NFIX: variants seen among roughly 807,000 people sequenced by gnomAD.
NFIX encodes the protein nuclear factor 1 X-type.
NFIX carries 2 observed loss-of-function variants against 53.3 expected under a neutral mutation model. The observed-to-expected ratio is 0.04, with a 90% CI of 0.02 to 0.12. The LOEUF (loss-of-function observed/expected upper bound fraction) is 0.12, where lower values mean the gene tolerates loss of function less well. Among genes scored for constraint, NFIX ranks in the 10% least tolerant of loss-of-function variants. The pLI, the probability that NFIX is intolerant of heterozygous loss-of-function variation, is 1.00. For missense variants in NFIX, 310 were observed against 674.5 expected, an observed-to-expected ratio of 0.46 and a Z score of 5.99; for synonymous variants, 244 against 289.0, an observed-to-expected ratio of 0.84 and a Z score of 1.58.
In NFIX at chr19:13,081,827, C is replaced by T. The variant is rs1384877802; in HGVS notation, c.1226C>T (p.Ser409Leu). 7 of 1,613,820 alleles carry T rather than the reference C, an allele frequency of 4.3e-6. No homozygotes were observed. The highest frequency in any genetic ancestry group is 1.6e-4 in the Middle Eastern group (1 of 6,084). Residue 409 changes from serine (S) to leucine (L), a missense_variant, in exon 8 of 11, where the codon TCG (serine) becomes TTG (leucine). Physicochemically the swap from Ser to Leu is moderately radical, Grantham distance 145. This residue lies in a region of NFIX where 35 missense variants were observed against 114.8 expected (regional missense o/e 0.30). Transcript: ENST00000592199. This position sits in a 1 kb window ranked among gnomAD's most constrained non-coding sequence, Gnocchi z 4.7. The stretch of plus-strand genomic sequence containing the variant: ...AAGGAGTTTGTGCAGTTTGTGTGCT[C>T]GGATGGCTCGGGCCAGGCCACCGGA... Reference protein sequence around the residue: ...SLKEFVQFVCSDGSGQATGQP... With the variant: ...SLKEFVQFVCLDGSGQATGQP...
rs1047221925 is a variant in NFIX at position 13,095,287 on chromosome 19, C to T, written c.*638C>T. On this transcript the variant is annotated 3_prime_UTR_variant, in exon 11 of 11. Coordinates refer to ENST00000592199, the MANE Select transcript of NFIX (RefSeq NM_001365902.3). ...CAGCCTCCACTTACCCCACCCCACC[C>T]TTGGGCTAAAAGCCCCCAGGCGGGC... The T allele has an allele frequency of 6.6e-6, 1 of 152,302 alleles. No homozygotes were observed. The highest frequency in any genetic ancestry group is 1.5e-5 in the Non-Finnish European group (1 of 68,170). The allele number at this position is 152,302 out of a possible 1,614,324, so 9.4% of individuals were successfully genotyped here.
chr19:13,056,074 G>A (rs2015668498), intron 2 of NFIX, among the ~76,000 whole-genome samples: 1 of 152,192 alleles, frequency 6.6e-6, no homozygotes, highest in Non-Finnish European at 1.5e-5. Flanking sequence ...GGGTCCTAAT[G>A]AGAAAATTGC....
At position 13,006,658 on chromosome 19, in the gene NFIX, C is replaced by T. The variant is rs1019093806; in HGVS notation, c.27+10794C>T. Among the ~76,000 whole-genome samples, 23 of 152,300 alleles carry T rather than the reference C, an allele frequency of 1.5e-4. No individual in the cohort carries two copies. Among genetic ancestry groups the T allele is most frequent in the Admixed American group, 4.6e-4 (7 of 15,308 alleles). ...CTGTCACCCTGGCAGTACCAGGCTGCGCCATCTTTGCAGGGTCTTGGGGAT... is the reference window on the plus strand; with the variant it reads ...CTGTCACCCTGGCAGTACCAGGCTGTGCCATCTTTGCAGGGTCTTGGGGAT... On this transcript the variant is annotated intron_variant, in intron 1 of 10. Coordinates refer to ENST00000592199, the MANE Select transcript of NFIX (RefSeq NM_001365902.3). The surrounding 1 kb of genome is among the most constrained non-coding windows in gnomAD (Gnocchi z 5.6).
Position 13,001,941 on chromosome 19 carries a change from C to T in NFIX, c.27+6077C>T, listed in dbSNP as rs540241897. 4.6e-5 allele frequency among the ~76,000 whole-genome samples: 7 copies of T among 152,316 alleles called. No individual in the cohort carries two copies. The highest frequency in any genetic ancestry group is 7.2e-5 in the African/African-American group (3 of 41,566). ...TGGACAGAAGCCCGTTGTGCGGCAGCGAGGTGCGGGCGTGTGTTCGGGCCG... is the reference window on the plus strand; with the variant it reads ...TGGACAGAAGCCCGTTGTGCGGCAGTGAGGTGCGGGCGTGTGTTCGGGCCG... On this transcript the variant is annotated intron_variant, in intron 1 of 10. Coordinates refer to ENST00000592199, the MANE Select transcript of NFIX (RefSeq NM_001365902.3). This position sits in a 1 kb window ranked among gnomAD's most constrained non-coding sequence, Gnocchi z 6.5.
rs1328514519 is a variant in NFIX at position 12,998,569 on chromosome 19, GGA to G, written c.27+2711_27+2712del. Among the ~76,000 whole-genome samples the G allele has an allele frequency of 6.6e-6, 1 of 152,006 alleles. No homozygotes were observed. Among genetic ancestry groups the G allele is most frequent in the Non-Finnish European group, 1.5e-5 (1 of 67,992 alleles). On this transcript the variant is annotated intron_variant, in intron 1 of 10. Transcript: ENST00000592199. The surrounding 1 kb of genome is among the most constrained non-coding windows in gnomAD (Gnocchi z 4.4). ...GTAGCCACAGTCCTGAGTCTCAGGC[GGA>G]GAGAGGGGTGGGGGGTGGATGGATG... is the stretch of plus-strand genomic sequence containing the variant.
At chr19:12,997,342 G>A (rs958532330) in intron 1 of NFIX, among the ~76,000 whole-genome samples, 21 of 152,240 alleles carry the variant, frequency 1.4e-4, no homozygotes, top group African/African-American at 4.3e-4. Context: ...GCAGGCCTGC[G>A]TGGCATGGCC....
rs1341748097 is a variant in NFIX at position 13,049,888 on chromosome 19, G to A, written c.560-23159G>A. Among the ~76,000 whole-genome samples the A allele has an allele frequency of 1.3e-5, 2 of 152,162 alleles. No individual in the cohort carries two copies. The highest frequency in any genetic ancestry group is 1.3e-4 in the Admixed American group (2 of 15,284). The stretch of plus-strand genomic sequence containing the variant: ...ATTACAGGCGAGAGCCACTGCACCC[G>A]GCCAGTTCCTTTTTAAGGCCAAATA... On this transcript the variant is annotated intron_variant, in intron 2 of 10. Coordinates refer to ENST00000592199, the MANE Select transcript of NFIX (RefSeq NM_001365902.3). The surrounding 1 kb of genome is among the most constrained non-coding windows in gnomAD (Gnocchi z 4.5).
intron 10 of NFIX, among the ~76,000 whole-genome samples, chr19:13,091,330 A>G (rs975128911): frequency 6.7e-6 from 1 of 150,164 alleles, no homozygotes; most frequent in African/African-American, 2.5e-5. Flanking sequence ...AGTCCAGAGA[A>G]AGTTGGTGGA....
intron 8 of NFIX, chr19:13,082,267 T>G (rs981580761): frequency 1.6e-5 from 3 of 188,500 alleles, no homozygotes; most frequent in Non-Finnish European, 3.3e-5. Context: ...CTGTTGACAT[T>G]TGGGGCTGTT....
Position 13,073,859 on chromosome 19 carries a change from A to C in NFIX, c.698-47A>C. ...TCATGACAAAGAAACAGACCCCATC[A>C]GGCCTCCCCCCACCTCCAAACCTCA... is the stretch of plus-strand genomic sequence containing the variant. On this transcript the variant is annotated intron_variant, in intron 4 of 10. Transcript: ENST00000592199. The surrounding 1 kb of genome is among the most constrained non-coding windows in gnomAD (Gnocchi z 4.5). 1 of 1,613,038 alleles carries C rather than the reference A, an allele frequency of 6.2e-7. No individual in the cohort carries two copies. Among genetic ancestry groups the C allele is most frequent in the Non-Finnish European group, 8.5e-7 (1 of 1,179,386 alleles).
At position 13,027,692 on chromosome 19, in the gene NFIX, T is replaced by C. The variant is rs948845901; in HGVS notation, c.559+2140T>C. 1.3e-5 allele frequency among the ~76,000 whole-genome samples: 2 copies of C among 152,068 alleles called. No individual in the cohort carries two copies. The highest frequency in any genetic ancestry group is 1.3e-4 in the Admixed American group (2 of 15,270). On this transcript the variant is annotated intron_variant, in intron 2 of 10. Coordinates refer to ENST00000592199, the MANE Select transcript of NFIX (RefSeq NM_001365902.3). This position sits in a 1 kb window ranked among gnomAD's most constrained non-coding sequence, Gnocchi z 4.3. ...TGTGGGGCTAAGGTAGGATGAAAAG[T>C]ATGTGAGGAAGCAGACCGTTTCCTG...
intron 2 of NFIX, among the ~76,000 whole-genome samples, chr19:13,029,981 C>A (rs1209231379): frequency 6.6e-6 from 1 of 152,144 alleles, no homozygotes; most frequent in African/African-American, 2.4e-5. Flanking sequence ...ATGCCCAACC[C>A]GACTGTTGGC....
In NFIX at chr19:13,081,642, G is replaced by T; in HGVS notation, c.1079-38G>T. On this transcript the variant is annotated intron_variant, in intron 7 of 10. Coordinates refer to ENST00000592199, the MANE Select transcript of NFIX (RefSeq NM_001365902.3). This position sits in a 1 kb window ranked among gnomAD's most constrained non-coding sequence, Gnocchi z 4.7. Reference sequence around the variant, plus strand: ...GTCCCTCCCACTGGCTGCCTCCTTGGCCCTGACGCCCTTTTTTCCCTGCCC... The same window carrying T: ...GTCCCTCCCACTGGCTGCCTCCTTGTCCCTGACGCCCTTTTTTCCCTGCCC... The T allele has an allele frequency of 3.1e-6, 5 of 1,600,518 alleles. No homozygotes were observed. Among genetic ancestry groups the T allele is most frequent in the Non-Finnish European group, 4.3e-6 (5 of 1,172,162 alleles).
At chr19:13,057,551 C>A (rs2015791212) in intron 2 of NFIX, among the ~76,000 whole-genome samples, 1 of 152,106 alleles carries the variant, frequency 6.6e-6, no homozygotes, top group African/African-American at 2.4e-5. Flanking sequence ...CCGGGCCCTC[C>A]CCTGCTCATG....
In NFIX at chr19:13,081,640, T is replaced by C. The variant is rs2017472245; in HGVS notation, c.1079-40T>C. On this transcript the variant is annotated intron_variant, in intron 7 of 10. Coordinates refer to ENST00000592199, the MANE Select transcript of NFIX (RefSeq NM_001365902.3). The surrounding 1 kb of genome is among the most constrained non-coding windows in gnomAD (Gnocchi z 4.7). Reference sequence around the variant, plus strand: ...CTGTCCCTCCCACTGGCTGCCTCCTTGGCCCTGACGCCCTTTTTTCCCTGC... The same window carrying C: ...CTGTCCCTCCCACTGGCTGCCTCCTCGGCCCTGACGCCCTTTTTTCCCTGC... 1 of 1,599,282 alleles carries C rather than the reference T, an allele frequency of 6.3e-7. No homozygotes were observed. The highest frequency in any genetic ancestry group is 8.5e-7 in the Non-Finnish European group (1 of 1,171,338).
chr19:13,039,686 G>C (rs1213989111), intron 2 of NFIX, among the ~76,000 whole-genome samples: 2 of 152,224 alleles, frequency 1.3e-5, no homozygotes, highest in Non-Finnish European at 2.9e-5. Flanking sequence ...CCTGGGCTCA[G>C]CTGGGGGCCA....
rs1297098216 is a variant in NFIX, at chr19:13,067,496, G to A, written c.560-5551G>A. Reference sequence around the variant, plus strand: ...TGTGTGTGTGTGCGTGTGTGTGTGTGTGTGTGTGTATGTGTGTGTCTGAGT... The same window carrying A: ...TGTGTGTGTGTGCGTGTGTGTGTGTATGTGTGTGTATGTGTGTGTCTGAGT... On this transcript the variant is annotated intron_variant, in intron 2 of 10. Coordinates refer to ENST00000592199, the MANE Select transcript of NFIX (RefSeq NM_001365902.3). The surrounding 1 kb of genome is among the most constrained non-coding windows in gnomAD (Gnocchi z 4.2). Among the ~76,000 whole-genome samples, 1 of 151,740 alleles carries A rather than the reference G, an allele frequency of 6.6e-6. No homozygotes were observed. The highest frequency in any genetic ancestry group is 1.5e-5 in the Non-Finnish European group (1 of 67,896).
At chr19:13,042,311 G>GTGTAATAGGTGC (rs999879107) in intron 2 of NFIX, among the ~76,000 whole-genome samples, 4 of 148,424 alleles carry the variant, frequency 2.7e-5, no homozygotes, top group African/African-American at 1.0e-4. Flanking sequence ...CTTATTATAA[G>GTGTAATAGGTGC]TGTAATAGGT....
intron 2 of NFIX, among the ~76,000 whole-genome samples, chr19:13,035,767 T>C (rs1294431867): frequency 1.3e-5 from 2 of 152,178 alleles, no homozygotes; most frequent in African/African-American, 4.8e-5. Context: ...ATATATCAAG[T>C]AACTTTTAAA....
Sources: gnomAD v4.1 joint callset for allele counts (sites outside exome capture counted in the v4.1 genomes callset) on GRCh38, gnomAD v4.1.1 for gene constraint, gnomAD v4.1.1 regional missense constraint, Gnocchi (gnomAD v3.1) non-coding constraint, MANE v1.5 for transcripts, NCBI Gene and HGNC (gene_info 2026-07-23, HGNC 2026-07-21) for gene names.